Variants in SUMF1 observed in about 807,000 individuals in gnomAD.
SUMF1 encodes the protein formylglycine-generating enzyme.
In SUMF1, 48 loss-of-function variants were observed where a neutral mutation model predicts 47.6. The ratio of observed to expected loss-of-function variants is 1.01; its 90% confidence interval spans 0.80 to 1.28. The LOEUF is 1.28. Ranked by LOEUF, SUMF1 falls within the 50% of genes most tolerant of loss-of-function variation. The pLI is 0.00. For synonymous variants in SUMF1, 230 were observed against 192.1 expected, an observed-to-expected ratio of 1.20 and a Z score of -1.63; for missense variants, 571 against 485.4, an observed-to-expected ratio of 1.18 and a Z score of -1.66.
chr3:4,132,673 T>C (rs1693820400), intron 8 of SUMF1, among the ~76,000 whole-genome samples: 1 of 152,084 alleles, frequency 6.6e-6, no homozygotes. Context: ...GGAGACACGA[T>C]TCCATTAAAC....
chr3:4,157,594 T>G (rs1055237278), intron 8 of SUMF1, among the ~76,000 whole-genome samples: 2 of 151,580 alleles, frequency 1.3e-5, no homozygotes, highest in African/African-American at 4.9e-5. Context: ...GTCATCCTGC[T>G]GTAATGAGTC....
intron 8 of SUMF1, among the ~76,000 whole-genome samples, chr3:4,255,210 C>A (rs545180497): frequency 7.5e-6 from 1 of 133,744 alleles, no homozygotes; most frequent in South Asian, 2.5e-4. Context: ...CATCAACTAA[C>A]GAGCAAAATC....
chr3:4,436,801 G>A (rs1237523419), intron 3 of SUMF1, among the ~76,000 whole-genome samples: 1 of 142,358 alleles, frequency 7.0e-6, no homozygotes, highest in African/African-American at 2.6e-5. Flanking sequence ...TCAACACCTA[G>A]AATAATAAAG....
intron 8 of SUMF1, among the ~76,000 whole-genome samples, chr3:4,127,162 T>C (rs1235006200): frequency 6.6e-6 from 1 of 152,118 alleles, no homozygotes; most frequent in African/African-American, 2.4e-5. Context: ...AACAATAAAA[T>C]TACCGTAAAG....
chr3:4,188,076 C>T (rs893926681), intron 8 of SUMF1, among the ~76,000 whole-genome samples: 6 of 152,078 alleles, frequency 3.9e-5, no homozygotes, highest in South Asian at 2.1e-4. Context: ...CTTAGCTTCC[C>T]GCATTATCAA....
At chr3:4,063,250 C>T (rs929498625) in intron 9 of SUMF1, among the ~76,000 whole-genome samples, 1 of 152,076 alleles carries the variant, frequency 6.6e-6, no homozygotes, top group Non-Finnish European at 1.5e-5. Context: ...AGCTATCAGG[C>T]AGATTTACAA....
rs370940036 is a variant in SUMF1, at chr3:4,141,479, C to A, written c.1015-72734G>T. ...TCCCAGGAAAGGAAGAGCAGGTGTG[C>A]CTGAAAATCCGACTTATTCATCAAG... is the stretch of plus-strand genomic sequence containing the variant. On this transcript the variant is annotated intron_variant and NMD_transcript_variant, in intron 8 of 12. Transcript: ENST00000448413. Among the ~76,000 whole-genome samples the A allele has an allele frequency of 4.6e-5, 7 of 152,058 alleles. No individual in the cohort carries two copies. The East Asian group carries it at 9.6e-4, about 21-fold the overall frequency.
intron 8 of SUMF1, among the ~76,000 whole-genome samples, chr3:4,112,765 T>C (rs1293509467): frequency 1.3e-5 from 2 of 152,092 alleles, no homozygotes; most frequent in Non-Finnish European, 2.9e-5. Context: ...TGAGATTTCT[T>C]CTTATCCCCT....
At chr3:4,334,991 G>A (rs1180499878) in intron 8 of SUMF1, among the ~76,000 whole-genome samples, 1 of 152,132 alleles carries the variant, frequency 6.6e-6, no homozygotes, top group East Asian at 1.9e-4. Flanking sequence ...GCAGTCTTAC[G>A]TAAATAAAAC....
Position 4,249,502 on chromosome 3 carries a change from G to T in SUMF1, c.1014+126828C>A, listed in dbSNP as rs577450447. 5.3e-5 allele frequency among the ~76,000 whole-genome samples: 8 copies of T among 152,112 alleles called. No homozygotes were observed. The South Asian group carries it at 1.2e-3, about 24-fold the overall frequency. On this transcript the variant is annotated intron_variant and NMD_transcript_variant, in intron 8 of 12. Coordinates refer to the SUMF1 transcript ENST00000448413. ...ATCAGTAATCTTTGATGTTACTATT[G>T]TAACTGTTTGGGGGCACCACAAATC...
chr3:4,117,342 T>C (rs1693443687), intron 8 of SUMF1, among the ~76,000 whole-genome samples: 1 of 151,884 alleles, frequency 6.6e-6, no homozygotes, highest in African/African-American at 2.4e-5. Flanking sequence ...ATACAACAAG[T>C]GTAAAGGAAA....
At chr3:4,281,842 C>T (rs192624337) in intron 8 of SUMF1, among the ~76,000 whole-genome samples, 1 of 152,118 alleles carries the variant, frequency 6.6e-6, no homozygotes, top group East Asian at 1.9e-4. Context: ...AAATGAGACT[C>T]CTTAACACAT....
intron 9 of SUMF1, among the ~76,000 whole-genome samples, chr3:4,040,468 C>T (rs1182197119): frequency 6.6e-6 from 1 of 152,068 alleles, no homozygotes; most frequent in Non-Finnish European, 1.5e-5. Flanking sequence ...GCATTTTAAT[C>T]AATGATTTAG....
intron 7 of SUMF1, among the ~76,000 whole-genome samples, chr3:4,409,574 GA>G (rs1253729498): frequency 2.9e-4 from 44 of 152,204 alleles, no homozygotes; most frequent in African/African-American, 9.4e-4. Context: ...TATCTGAGAT[GA>G]AAAAAATTCT....
chr3:4,165,751 G>C (rs1054490745), intron 8 of SUMF1, among the ~76,000 whole-genome samples: 1 of 151,816 alleles, frequency 6.6e-6, no homozygotes, highest in South Asian at 2.1e-4. Flanking sequence ...TTCAAAGTTT[G>C]TGGGTCAAAT....
Position 4,151,590 on chromosome 3 carries a change from T to C in SUMF1, c.1015-82845A>G, listed in dbSNP as rs936593735. Among the ~76,000 whole-genome samples the C allele has an allele frequency of 2.4e-4, 29 of 118,818 alleles. 1 individual carries two copies. The highest frequency in any genetic ancestry group is 7.9e-4 in the South Asian group (3 of 3,820). The allele number at this position is 118,818 out of a possible 152,430, so 77.9% of individuals were successfully genotyped here. On this transcript the variant is annotated intron_variant and NMD_transcript_variant, in intron 8 of 12. Transcript: ENST00000448413. The stretch of plus-strand genomic sequence containing the variant: ...ACACACACACACACACACACACACA[T>C]GCAAGTATATAGAGCAGAGGTGTCG...
intron 8 of SUMF1, among the ~76,000 whole-genome samples, chr3:4,279,440 A>C (rs1467739939): frequency 6.6e-6 from 1 of 152,172 alleles, no homozygotes; most frequent in East Asian, 1.9e-4. Flanking sequence ...ATCATACAAC[A>C]AAATAGTATA....
chr3:4,180,031 A>G (rs1301051006), intron 8 of SUMF1, among the ~76,000 whole-genome samples: 1 of 152,324 alleles, frequency 6.6e-6, no homozygotes, highest in African/African-American at 2.4e-5. Flanking sequence ...AATCATTAAA[A>G]AGTCAGGAAA....
At chr3:4,057,966 A>G (rs1185807735) in intron 9 of SUMF1, among the ~76,000 whole-genome samples, 1 of 152,154 alleles carries the variant, frequency 6.6e-6, no homozygotes, top group African/African-American at 2.4e-5. Context: ...AAAGTGGCAG[A>G]GCAGGGATTA....
Sources: gnomAD v4.1 joint callset for allele counts (sites outside exome capture counted in the v4.1 genomes callset) on GRCh38, gnomAD v4.1.1 for gene constraint, MANE v1.5 for transcripts, NCBI Gene and HGNC (gene_info 2026-07-23, HGNC 2026-07-21) for gene names.